CSF1R: variants seen among roughly 807,000 people sequenced by gnomAD.
The protein encoded by CSF1R is colony stimulating factor 1 receptor.
CSF1R carries 40 observed loss-of-function variants against 110.0 expected under a neutral mutation model. The ratio of observed to expected loss-of-function variants is 0.36; its 90% CI spans 0.28 to 0.47. CSF1R has a LOEUF of 0.47. CSF1R is among the 20% of genes least tolerant of loss of function. The probability of loss-of-function intolerance (pLI) is 0.99; values close to 1 mark genes in which losing one functional copy is unlikely to be tolerated. For missense variants in CSF1R, 1,052 were observed against 1,253.0 expected (o/e 0.84, Z 2.42); for synonymous variants, 523 against 503.4 (o/e 1.04, Z -0.52).
chr5:150,058,054 ACT>A (rs1192094778), intron 14 of CSF1R: 1 of 365,150 alleles, frequency 2.7e-6, no homozygotes, highest in African/African-American at 2.1e-5. Flanking sequence ...TACTTCAGAA[ACT>A]CTAGGGACAA....
intron 6 of CSF1R, 116 bp downstream of exon 6, chr5:150,073,184 AG>A (rs2113814685): frequency 1.0e-6 from 1 of 965,704 alleles, no homozygotes; most frequent in East Asian, 2.5e-5. Context: ...AGAAAGGGGC[AG>A]GGACTTGCTC....
At chr5:150,071,389 A>C (rs1429846808) in intron 6 of CSF1R, among the ~76,000 whole-genome samples, 2 of 152,230 alleles carry the variant, frequency 1.3e-5, no homozygotes, top group African/African-American at 4.8e-5. Context: ...TGTCAAAATA[A>C]ATAAAATTTT....
chr5:150,094,564 A>G (rs1229986320), intron 1 of CSF1R: 2 of 1,590,238 alleles, frequency 1.3e-6, no homozygotes, highest in African/African-American at 2.7e-5. Context: ...GCAGAACCCA[A>G]ATTGGCGTTT....
At chr5:150,110,966 T>C (rs1365200981) in intron 1 of CSF1R, among the ~76,000 whole-genome samples, 6 of 151,682 alleles carry the variant, frequency 4.0e-5, no homozygotes, top group Admixed American at 3.9e-4. Context: ...TCACTGCTAA[T>C]TACATAGAAG....
upstream of CSF1R, among the ~76,000 whole-genome samples, chr5:150,087,946 G>A (rs1258405415): frequency 2.6e-5 from 4 of 152,144 alleles, no homozygotes; most frequent in African/African-American, 9.7e-5. Flanking sequence ...ATGTTGTCCA[G>A]GCTGGTCTCA....
At chr5:150,069,290 G>C (rs1042741508) in intron 9 of CSF1R, among the ~76,000 whole-genome samples, 17 of 152,316 alleles carry the variant, frequency 1.1e-4, no homozygotes, top group Non-Finnish European at 2.4e-4. Context: ...GAGAATCACA[G>C]AACTAGCTGG....
At chr5:150,094,377 G>A (rs1005309168) in intron 1 of CSF1R, 67 of 1,599,716 alleles carry the variant, frequency 4.2e-5, no homozygotes, top group Middle Eastern at 1.7e-4. Context: ...AAGGAATTTC[G>A]CAGAGCTGAA....
At position 150,070,185 on chromosome 5, in the gene CSF1R, T is replaced by G. The variant is rs771614491; in HGVS notation, c.1316A>C (p.Asp439Ala). ...GAGGTGAGTGGAGCCCACTTACCTATCAGTGTGGCCACTGCACTGCAGCCA... is the reference window on the plus strand; with the variant it reads ...GAGGTGAGTGGAGCCCACTTACCTAGCAGTGTGGCCACTGCACTGCAGCCA... ...VTWLQCSGHT[D>A]RCDEAQVLQV... The change falls in exon 8 of 21, where the codon GAT (aspartate) becomes GCT (alanine). Residue 439 changes from aspartate (D) to alanine (A), a missense_variant. Around this residue, in one of 5 missense-constraint regions of CSF1R, gnomAD observed 693 missense variants for 735.4 expected, o/e 0.94. Transcript: ENST00000675795. 6.8e-6 allele frequency: 11 copies of G among 1,613,610 alleles called. No individual in the cohort carries two copies. In the Admixed American group the frequency reaches 8.3e-5, roughly 12 times the overall value.
At chr5:150,076,773 C>T in intron 5 of CSF1R, 1 of 222,024 alleles carries the variant, frequency 4.5e-6, no homozygotes. Context: ...CCTCCCTCTG[C>T]CAGAAGCGCT....
chr5:150,060,679 C>T (rs1183877195), intron 13 of CSF1R, among the ~76,000 whole-genome samples, 183 bp downstream of exon 13: 1 of 152,174 alleles, frequency 6.6e-6, no homozygotes, highest in African/African-American at 2.4e-5. Flanking sequence ...TCAAGCTGCC[C>T]GTGCAGCTCC....
intron 1 of CSF1R, among the ~76,000 whole-genome samples, chr5:150,100,380 C>T (rs1032182279): frequency 7.7e-5 from 11 of 143,650 alleles, no homozygotes; most frequent in Admixed American, 7.4e-5. Context: ...TCACTGCAAC[C>T]TCCGCCTCCC....
chr5:150,064,275 G>A (rs556776866), intron 10 of CSF1R, among the ~76,000 whole-genome samples: 2 of 152,286 alleles, frequency 1.3e-5, no homozygotes, highest in Admixed American at 6.5e-5. Context: ...AAACCTGTAC[G>A]TCTATCCCCT....
At chr5:150,070,607 A>C in intron 6 of CSF1R, 36 bp from the exon 7 acceptor site, 1 of 1,406,166 alleles carries the variant, frequency 7.1e-7, no homozygotes, top group Non-Finnish European at 9.5e-7. Context: ...GGTGAGCCCC[A>C]GCCTAGTATG....
intron 10 of CSF1R, among the ~76,000 whole-genome samples, chr5:150,062,575 C>T (rs1757580525): frequency 8.6e-6 from 1 of 115,662 alleles, no homozygotes; most frequent in South Asian, 2.5e-4. Context: ...TTCATTCATG[C>T]TGCAGCACAG....
chr5:150,075,348 C>A (rs1470309067), intron 5 of CSF1R, among the ~76,000 whole-genome samples: 1 of 152,194 alleles, frequency 6.6e-6, no homozygotes, highest in Non-Finnish European at 1.5e-5. Flanking sequence ...CGGTAGCCTC[C>A]TTTCATCTCA....
chr5:150,080,177 A>G lies in CSF1R; in HGVS notation c.467T>C (p.Phe156Ser). 12 of 1,613,902 alleles carry G rather than the reference A, an allele frequency of 7.4e-6. No individual in the cohort carries two copies. Among genetic ancestry groups the G allele is most frequent in the Non-Finnish European group, 1.0e-5 (12 of 1,180,032 alleles). Reference sequence around the variant, plus strand: ...GATGGTGAAGCCATGCCAGGGCGAGAAGGAGTAGTTGGTGTGGCGCATGAG... The same window carrying G: ...GATGGTGAAGCCATGCCAGGGCGAGGAGGAGTAGTTGGTGTGGCGCATGAG... ...RPLMRHTNYS[F>S]SPWHGFTIHR... is the part of the protein sequence containing the mutation. The change falls in exon 3 of 21, where the codon TTC (phenylalanine) becomes TCC (serine). Residue 156 changes from phenylalanine to serine, a missense_variant. Transcript: ENST00000675795.
intron 1 of CSF1R, among the ~76,000 whole-genome samples, chr5:150,085,071 G>T (rs1345687965): frequency 6.6e-6 from 1 of 152,022 alleles, no homozygotes; most frequent in African/African-American, 2.4e-5. Flanking sequence ...CTGAGGTCAG[G>T]AGTTCGAGAC....
intron 1 of CSF1R, among the ~76,000 whole-genome samples, chr5:150,093,636 G>A: frequency 6.6e-6 from 1 of 152,204 alleles, no homozygotes; most frequent in East Asian, 1.9e-4. Context: ...CAAGATGGTA[G>A]AAGAGAGGAT....
intron 6 of CSF1R, among the ~76,000 whole-genome samples, chr5:150,072,259 C>T (rs1403436120): frequency 1.2e-4 from 18 of 152,062 alleles, no homozygotes; most frequent in African/African-American, 3.4e-4. Flanking sequence ...CTTGGGAGGC[C>T]GAGGCAGGCA....
Sources: gnomAD v4.1 joint callset for allele counts (sites outside exome capture counted in the v4.1 genomes callset) on GRCh38, gnomAD v4.1.1 for gene constraint, gnomAD v4.1.1 regional missense constraint, MANE v1.5 for transcripts, NCBI Gene and HGNC (gene_info 2026-07-23, HGNC 2026-07-21) for gene names.